Variants in TJP2 observed in about 807,000 individuals in gnomAD.
TJP2 encodes Friedreich ataxia region gene X104 (tight junction protein ZO-2).
Under a neutral mutation model 133.1 loss-of-function variants are expected in TJP2, and 91 were observed. That is an observed-to-expected ratio of 0.68 (90% CI 0.58 to 0.81). The LOEUF (loss-of-function observed/expected upper bound fraction) is 0.81, where lower values mean the gene tolerates loss of function less well. TJP2 is among the 40% of genes least tolerant of loss of function. The pLI is 0.00. For synonymous variants in TJP2, 592 were observed against 583.4 expected (o/e 1.01, Z -0.21); for missense variants, 1,541 against 1,565.6 (o/e 0.98, Z 0.26).
At chr9:69,204,623 C>A (rs1588048548) in intron 1 of TJP2, among the ~76,000 whole-genome samples, 1 of 152,228 alleles carries the variant, frequency 6.6e-6, no homozygotes, top group Non-Finnish European at 1.5e-5. Flanking sequence ...TGAGTCTTAT[C>A]TTCCCCTTGT....
At chr9:69,155,141 C>T (rs1278473170) in intron 2 of TJP2, among the ~76,000 whole-genome samples, 2 of 147,410 alleles carry the variant, frequency 1.4e-5, no homozygotes, top group Non-Finnish European at 3.0e-5. Flanking sequence ...TCACTTGAAC[C>T]TGGTGGGCCA....
At chr9:69,241,208 G>C (rs751508448) in intron 17 of TJP2, among the ~76,000 whole-genome samples, 10 of 152,170 alleles carry the variant, frequency 6.6e-5, no homozygotes, top group Admixed American at 6.5e-4. Flanking sequence ...AATGGTCTAA[G>C]AACATGACAT....
chr9:69,145,756 C>T, intron 1 of TJP2: 1 of 1,232,016 alleles, frequency 8.1e-7, no homozygotes, highest in Non-Finnish European at 1.0e-6. Context: ...GGTATTACCC[C>T]ACTTAACAAA....
At chr9:69,244,614 T>C (rs1830800798) in intron 17 of TJP2, among the ~76,000 whole-genome samples, 1 of 152,186 alleles carries the variant, frequency 6.6e-6, no homozygotes, top group South Asian at 2.1e-4. Flanking sequence ...CTACTATTGC[T>C]CTAAGGCAAA....
chr9:69,212,624 A>G (rs762762891), intron 2 of TJP2, 23 bp downstream of exon 2: 12 of 1,571,940 alleles, frequency 7.6e-6, no homozygotes, highest in African/African-American at 5.4e-5. Flanking sequence ...CATTTCATAT[A>G]TTCTACAGTC....
chr9:69,191,709 C>T (rs145152821), intron 1 of TJP2, among the ~76,000 whole-genome samples: 437 of 152,214 alleles, frequency 2.9e-3, no homozygotes, highest in African/African-American at 9.7e-3. Context: ...AGAGACTAAA[C>T]GTTCAATGAC....
At chr9:69,245,519 T>C (rs1273755619) in intron 17 of TJP2, among the ~76,000 whole-genome samples, 2 of 152,226 alleles carry the variant, frequency 1.3e-5, no homozygotes, top group Admixed American at 6.5e-5. Flanking sequence ...TGTTGTACTT[T>C]GTTGGTATTT....
intron 1 of TJP2, among the ~76,000 whole-genome samples, chr9:69,131,509 C>T (rs1003880247): frequency 6.6e-6 from 1 of 152,156 alleles, no homozygotes; most frequent in African/African-American, 2.4e-5. Flanking sequence ...TAAAGGAATC[C>T]TCATTGCGTC....
chr9:69,156,608 T>G lies in TJP2; in HGVS notation c.-10+4837T>G, dbSNP rs555132550. Among the ~76,000 whole-genome samples the G allele has an allele frequency of 2.1e-5, 3 of 139,800 alleles. No individual in the cohort carries two copies. The South Asian group carries it at 6.8e-4, about 32-fold the overall frequency. The allele number at this position is 139,800 out of a possible 152,430, so 91.7% of individuals were successfully genotyped here. ...GTGCTGTGGCGCGATCTCCGCTCAC[T>G]GCAAGCTCCGCCTTCCGGGTTCACG... is the stretch of plus-strand genomic sequence containing the variant. On this transcript the variant is annotated intron_variant, in intron 2 of 5. Transcript: ENST00000423935.
At chr9:69,237,596 G>GGCTTGAGGAAGGAGGATC (rs11272756) in intron 14 of TJP2, among the ~76,000 whole-genome samples, 2 of 151,842 alleles carry the variant, frequency 1.3e-5, no homozygotes, top group Non-Finnish European at 2.9e-5. Context: ...CTACTCAGGA[G>GGCTTGAGGAAGGAGGATC]GCTTGAGCCT....
intron 1 of TJP2, among the ~76,000 whole-genome samples, chr9:69,178,289 A>C (rs1259252744): frequency 2.0e-5 from 3 of 152,234 alleles, no homozygotes; most frequent in Admixed American, 1.3e-4. Flanking sequence ...ATGATGCATG[A>C]ATATTATATG....
intron 2 of TJP2, among the ~76,000 whole-genome samples, chr9:69,166,246 G>A (rs546880675): frequency 3.5e-4 from 53 of 152,188 alleles, no homozygotes; most frequent in Middle Eastern, 3.4e-3. Flanking sequence ...AAGTAGCTGG[G>A]ACTACAGGTG....
chr9:69,215,682 G>A (rs1415805231), intron 2 of TJP2, among the ~76,000 whole-genome samples: 1 of 134,406 alleles, frequency 7.4e-6, no homozygotes, highest in Non-Finnish European at 1.6e-5. Context: ...CATGAGCCTA[G>A]GCAGAAGGTT....
At chr9:69,210,158 G>A (rs947626168) in intron 1 of TJP2, among the ~76,000 whole-genome samples, 9 of 151,512 alleles carry the variant, frequency 5.9e-5, no homozygotes, top group African/African-American at 9.7e-5. Flanking sequence ...GTGTGGTGGC[G>A]CACAACTGTA....
rs1488924365 is a variant in TJP2, at chr9:69,248,148, A to G, written c.2804A>G (p.Asn935Ser). Residue 935 changes from asparagine (N) to serine (S), a missense_variant, in exon 19 of 23, where the codon AAT becomes AGT. Physicochemically the swap from Asn to Ser is conservative, Grantham distance 46. Transcript: ENST00000377245. The part of the protein sequence containing the change: ...TDGEGGAYTD[N>S]ELDEPAEEPL... ...GGTGAAGGAGGCGCCTACACTGACAATGAGCTGGATGAGCCAGCCGAGGAG... is the reference window on the plus strand; with the variant it reads ...GGTGAAGGAGGCGCCTACACTGACAGTGAGCTGGATGAGCCAGCCGAGGAG... 1 of 1,613,824 alleles carries G rather than the reference A, an allele frequency of 6.2e-7. No homozygotes were observed. The highest frequency in any genetic ancestry group is 1.3e-5 in the African/African-American group (1 of 74,908).
At chr9:69,214,945 G>A (rs930948162) in intron 2 of TJP2, among the ~76,000 whole-genome samples, 12 of 151,722 alleles carry the variant, frequency 7.9e-5, no homozygotes, top group African/African-American at 1.7e-4. Flanking sequence ...CATCTACTTT[G>A]AAGTTAAAGG....
chr9:69,235,523 T>C (rs1053505377), intron 12 of TJP2, among the ~76,000 whole-genome samples: 7 of 151,782 alleles, frequency 4.6e-5, no homozygotes, highest in Non-Finnish European at 7.4e-5. Context: ...GGGGTTTCAC[T>C]GTGTTAGCCA....
At chr9:69,214,865 T>TGA (rs1828233866) in intron 2 of TJP2, among the ~76,000 whole-genome samples, 1 of 16,550 alleles carries the variant, frequency 6.0e-5, no homozygotes, top group Non-Finnish European at 1.7e-4. Flanking sequence ...AGACTCCATC[T>TGA]CAAAAAAAAA....
Position 69,142,664 on chromosome 9 carries a change from C to A in TJP2, c.-130-8987C>A, listed in dbSNP as rs147232761. On this transcript the variant is annotated intron_variant, in intron 1 of 5. Coordinates refer to the TJP2 transcript ENST00000423935. ...CCAAAGCACAGTAACTGTTAAAACACCCAGTGAAGAAGCATGGCCACTGTC... is the reference window on the plus strand; with the variant it reads ...CCAAAGCACAGTAACTGTTAAAACAACCAGTGAAGAAGCATGGCCACTGTC... Among the ~76,000 whole-genome samples, 17 of 152,220 alleles carry A rather than the reference C, an allele frequency of 1.1e-4. No homozygotes were observed. The East Asian group carries it at 3.3e-3, about 29-fold the overall frequency.
Sources: allele counts gnomAD v4.1 joint callset (sites outside exome capture counted in the v4.1 genomes callset), GRCh38; gene constraint gnomAD v4.1.1; transcripts MANE v1.5; gene names NCBI Gene and HGNC (gene_info 2026-07-23, HGNC 2026-07-21).